Variants in SPTLC1 observed in about 807,000 individuals in gnomAD.
The protein encoded by SPTLC1 is serine palmitoyltransferase 1.
A neutral mutation model predicts 68.9 loss-of-function variants in SPTLC1; 55 were observed. The observed-to-expected ratio is 0.80, with a 90% CI of 0.64 to 1.00. The LOEUF is 1.00. Ranked by LOEUF, SPTLC1 falls within the 50% of genes least tolerant of loss-of-function variation. The probability of loss-of-function intolerance (pLI) is 0.00; values close to 1 mark genes in which losing one functional copy is unlikely to be tolerated. For missense variants in SPTLC1, 449 were observed against 573.1 expected, an observed-to-expected ratio of 0.78 and a Z score of 2.21; for synonymous variants, 197 against 201.6, an observed-to-expected ratio of 0.98 and a Z score of 0.19.
rs759454514 is a variant in SPTLC1 at position 92,038,223 on chromosome 9, A to T, written c.1254+25T>A. 2.0e-6 allele frequency: 3 copies of T among 1,467,556 alleles called. No individual in the cohort carries two copies. In the East Asian group the frequency reaches 6.8e-5, roughly 33 times the overall value. The allele number at this position is 1,467,556 out of a possible 1,614,324, so 90.9% of individuals were successfully genotyped here. On this transcript the variant is annotated intron_variant, in intron 13 of 14. Coordinates refer to ENST00000262554, the MANE Select transcript of SPTLC1 (RefSeq NM_006415.4). ...GCAAGGGCAGAAGTGGTGTGGGGGG[A>T]TGCCTCAAGTCAACGGATACTTACT... is the stretch of plus-strand genomic sequence containing the variant.
chr9:92,083,964 G>C (rs546158227), intron 3 of SPTLC1, among the ~76,000 whole-genome samples: 2 of 152,174 alleles, frequency 1.3e-5, no homozygotes, highest in Non-Finnish European at 2.9e-5. Context: ...CATGTCCCTT[G>C]TAAGTTGGAT....
chr9:92,091,239 A>G (rs1347085403), intron 3 of SPTLC1, among the ~76,000 whole-genome samples: 2 of 152,260 alleles, frequency 1.3e-5, no homozygotes, highest in Non-Finnish European at 2.9e-5. Flanking sequence ...ACAGTATACA[A>G]CCAAGTAAGC....
chr9:92,080,920 TTATACATTC>T lies in SPTLC1; in HGVS notation c.295_303del (p.Glu99_Ile101del), dbSNP rs1456507887. The stretch of plus-strand genomic sequence containing the variant: ...CCAAGAAAATTAAATGAGGCGAAGT[TTATACATTC>T]TTTTCCATTCACCACAGTTTTGTGG... On this transcript the variant is annotated inframe_deletion, in exon 4 of 15. Transcript: ENST00000262554. 1 of 1,614,058 alleles carries T rather than the reference TTATACATTC, an allele frequency of 6.2e-7. No homozygotes were observed. The highest frequency in any genetic ancestry group is 1.7e-5 in the Admixed American group (1 of 60,006).
chr9:92,083,957 G>A (rs1025388938), intron 3 of SPTLC1, among the ~76,000 whole-genome samples: 1 of 152,112 alleles, frequency 6.6e-6, no homozygotes, highest in Admixed American at 6.6e-5. Context: ...GGTCCTTCAT[G>A]TCCCTTGTAA....
At chr9:92,105,196 G>A (rs1835911882) in intron 3 of SPTLC1, 2 of 1,534,112 alleles carry the variant, frequency 1.3e-6, no homozygotes, top group Non-Finnish European at 1.7e-6. Flanking sequence ...GGCCACCGCT[G>A]CAGCTGCAAC....
intron 14 of SPTLC1, among the ~76,000 whole-genome samples, chr9:92,033,207 C>T (rs1833032295): frequency 1.3e-5 from 2 of 152,198 alleles, no homozygotes; most frequent in Admixed American, 6.5e-5. Flanking sequence ...TCCTGTCCAT[C>T]ATGTACTGCT....
At chr9:92,090,409 G>C (rs544453553) in intron 3 of SPTLC1, among the ~76,000 whole-genome samples, 4 of 152,256 alleles carry the variant, frequency 2.6e-5, no homozygotes, top group Admixed American at 2.6e-4. Context: ...AGGAGTCCGA[G>C]ACCAGCCTGG....
At chr9:92,111,790 A>G (rs1160133290) in intron 2 of SPTLC1, 2 of 152,336 alleles carry the variant, frequency 1.3e-5, no homozygotes, top group African/African-American at 4.8e-5. Context: ...AACTTCGGCA[A>G]TATCAAAATT....
intron 3 of SPTLC1, among the ~76,000 whole-genome samples, chr9:92,096,454 A>G (rs1350625004): frequency 6.6e-6 from 1 of 152,192 alleles, no homozygotes; most frequent in Admixed American, 6.5e-5. Context: ...TAGCAATTAT[A>G]CCTCAGTAAA....
chr9:92,035,807 T>TAGGCA (rs1269617108), intron 13 of SPTLC1, among the ~76,000 whole-genome samples: 1 of 152,186 alleles, frequency 6.6e-6, no homozygotes, highest in Non-Finnish European at 1.5e-5. Context: ...AAAACCATAC[T>TAGGCA]AGGCAATGAC....
intron 6 of SPTLC1, among the ~76,000 whole-genome samples, chr9:92,062,918 A>G (rs1036841201): frequency 2.6e-5 from 4 of 152,240 alleles, no homozygotes; most frequent in African/African-American, 9.6e-5. Flanking sequence ...ATGAACATTC[A>G]AGAAAAGAGA....
At chr9:92,088,956 G>A (rs569544083) in intron 3 of SPTLC1, among the ~76,000 whole-genome samples, 2 of 152,302 alleles carry the variant, frequency 1.3e-5, no homozygotes, top group Non-Finnish European at 1.5e-5. Flanking sequence ...ACTCAAAAGA[G>A]AGAAAACAAC....
intron 3 of SPTLC1, among the ~76,000 whole-genome samples, chr9:92,086,345 C>T (rs532992758): frequency 6.6e-6 from 1 of 152,290 alleles, no homozygotes; most frequent in African/African-American, 2.4e-5. Context: ...TCTGGATGGT[C>T]TTTACATTTT....
chr9:92,099,480 CTTT>C (rs201801428), intron 3 of SPTLC1, among the ~76,000 whole-genome samples: 1,433 of 141,870 alleles, frequency 0.01, 22 homozygotes, highest in African/African-American at 0.033. Flanking sequence ...TTTTACTGTA[CTTT>C]TTTTTTTTTT....
chr9:92,032,621 T>C, intron 14 of SPTLC1, 63 bp from the exon 15 acceptor site: 4 of 1,607,030 alleles, frequency 2.5e-6, no homozygotes, highest in South Asian at 1.1e-5. Flanking sequence ...CTCACGCCTG[T>C]AATCCCAGCA....
intron 3 of SPTLC1, among the ~76,000 whole-genome samples, chr9:92,102,744 A>G (rs1835802373): frequency 6.6e-6 from 1 of 152,220 alleles, no homozygotes; most frequent in Non-Finnish European, 1.5e-5. Context: ...AAAAAAAGAA[A>G]CAAAAGATCT....
intron 1 of SPTLC1, chr9:92,115,106 C>T (rs1836400498): frequency 3.3e-6 from 2 of 606,660 alleles, no homozygotes; most frequent in Non-Finnish European, 3.0e-6. Flanking sequence ...AAACCGAGAC[C>T]CTCAGTCCCA....
intron 3 of SPTLC1, among the ~76,000 whole-genome samples, chr9:92,093,159 A>C (rs1455475061): frequency 6.6e-6 from 1 of 152,236 alleles, no homozygotes; most frequent in East Asian, 1.9e-4. Context: ...AAGTTAAATA[A>C]GAAGTAAAAA....
intron 3 of SPTLC1, among the ~76,000 whole-genome samples, chr9:92,096,371 ATG>A (rs894399985): frequency 7.9e-5 from 12 of 151,916 alleles, no homozygotes; most frequent in South Asian, 2.1e-4. Flanking sequence ...TTATTTCACA[ATG>A]TGTGTGTGTG....
Sources: gnomAD v4.1 joint callset for allele counts (sites outside exome capture counted in the v4.1 genomes callset) on GRCh38, gnomAD v4.1.1 for gene constraint, MANE v1.5 for transcripts, NCBI Gene and HGNC (gene_info 2026-07-23, HGNC 2026-07-21) for gene names.